TYW1: variants seen among roughly 807,000 people sequenced by gnomAD.
The protein encoded by TYW1 is S-adenosyl-L-methionine-dependent tRNA 4-demethylwyosine synthase TYW1.
A neutral mutation model predicts 96.2 loss-of-function variants in TYW1; 46 were observed. The ratio of observed to expected loss-of-function variants is 0.48; its 90% CI spans 0.38 to 0.61. The LOEUF (loss-of-function observed/expected upper bound fraction) is 0.61, where lower values mean the gene tolerates loss of function less well. Among genes scored for constraint, TYW1 ranks in the 20% least tolerant of loss-of-function variants. The pLI is 0.00. For synonymous variants in TYW1, 274 were observed against 323.0 expected (o/e 0.85, Z 1.63); for missense variants, 684 against 909.6 (o/e 0.75, Z 3.19).
intron 13 of TYW1, among the ~76,000 whole-genome samples, chr7:67,146,033 T>G (rs1409807310): frequency 1.3e-5 from 2 of 152,220 alleles, no homozygotes; most frequent in African/African-American, 2.4e-5. Flanking sequence ...CGCAAAGTAC[T>G]GGGATTATAG....
rs1187479693 is a variant in TYW1 at position 67,239,318 on chromosome 7, C to A, written c.*789C>A. 15 of 985,334 alleles carry A rather than the reference C, an allele frequency of 1.5e-5. No homozygotes were observed. In the Admixed American group the frequency reaches 4.3e-4, roughly 28 times the overall value. The allele number at this position is 985,334 out of a possible 1,614,324, so 61.0% of individuals were successfully genotyped here. On this transcript the variant is annotated 3_prime_UTR_variant, in exon 16 of 16. Coordinates refer to ENST00000359626, the MANE Select transcript of TYW1 (RefSeq NM_018264.4). ...TCGTGAGGTCACTGTCCAGGCCTCT[C>A]ATATCATGACCAGACGGCGGGTCTC...
chr7:67,083,262 G>T (rs1308437682), intron 10 of TYW1, among the ~76,000 whole-genome samples, 168 bp from the exon 11 acceptor site: 2 of 152,094 alleles, frequency 1.3e-5, no homozygotes, highest in Non-Finnish European at 2.9e-5. Context: ...CTCTCTGTTG[G>T]GTGTCATGAT....
intron 13 of TYW1, among the ~76,000 whole-genome samples, chr7:67,148,410 G>A (rs893233085): frequency 2.7e-4 from 39 of 146,258 alleles, no homozygotes; most frequent in Non-Finnish European, 4.5e-4. Flanking sequence ...ACTTAACAAG[G>A]TTTACTTGAA....
intron 6 of TYW1, among the ~76,000 whole-genome samples, chr7:67,020,622 C>G (rs750135049): frequency 6.6e-6 from 1 of 152,282 alleles, no homozygotes; most frequent in South Asian, 2.1e-4. Flanking sequence ...ATAAAAACTT[C>G]GTTGCTTAGT....
chr7:67,201,980 T>C (rs902044526), intron 15 of TYW1, among the ~76,000 whole-genome samples: 3 of 152,182 alleles, frequency 2.0e-5, no homozygotes, highest in Non-Finnish European at 2.9e-5. Flanking sequence ...TGTCACTGCG[T>C]TCCTCTTTAA....
chr7:67,011,514 G>A (rs1473617130), intron 4 of TYW1, among the ~76,000 whole-genome samples: 1 of 152,190 alleles, frequency 6.6e-6, no homozygotes, highest in Non-Finnish European at 1.5e-5. Flanking sequence ...AGAATCTCAG[G>A]TCTTAGCCTA....
intron 4 of TYW1, among the ~76,000 whole-genome samples, chr7:67,010,024 C>G (rs540304663): frequency 6.6e-6 from 1 of 151,186 alleles, no homozygotes; most frequent in African/African-American, 2.4e-5. Context: ...ACTATGTCAC[C>G]CAGGCTGGAG....
intron 15 of TYW1, among the ~76,000 whole-genome samples, chr7:67,197,105 T>C (rs1238936872): frequency 1.3e-5 from 2 of 152,230 alleles, no homozygotes; most frequent in African/African-American, 4.8e-5. Context: ...CTCTTTAGCT[T>C]TTCATCTGGA....
At chr7:67,067,451 G>A in intron 10 of TYW1, 48 bp downstream of exon 10, 2 of 1,605,536 alleles carry the variant, frequency 1.2e-6, no homozygotes, top group Non-Finnish European at 1.7e-6. Context: ...AATGAGCTGT[G>A]GTAATCAATC....
At chr7:67,125,480 C>T (rs66755920) in intron 13 of TYW1, among the ~76,000 whole-genome samples, 41,930 of 151,618 alleles carry the variant, frequency 0.28, 6,655 homozygotes, top group African/African-American at 0.44. Flanking sequence ...CCATATCCCC[C>T]CTATTCCATG....
intron 13 of TYW1, among the ~76,000 whole-genome samples, chr7:67,151,632 C>T (rs1475389181): frequency 6.6e-6 from 1 of 152,100 alleles, no homozygotes; most frequent in African/African-American, 2.4e-5. Context: ...AACTGGTGTT[C>T]AAACAAGAAT....
intron 13 of TYW1, among the ~76,000 whole-genome samples, chr7:67,149,722 A>ATATCTACCTATC (rs1554376827): frequency 2.1e-5 from 3 of 140,120 alleles, no homozygotes; most frequent in Non-Finnish European, 4.7e-5. Context: ...AGGAAAAAAA[A>ATATCTACCTATC]TATCTATCTA....
At chr7:67,069,236 A>G (rs1480345398) in intron 10 of TYW1, among the ~76,000 whole-genome samples, 2 of 152,204 alleles carry the variant, frequency 1.3e-5, no homozygotes, top group Admixed American at 1.3e-4. Context: ...GGGATTGACT[A>G]TTTTGAATTG....
At chr7:67,043,268 A>G (rs1795086023) in intron 7 of TYW1, among the ~76,000 whole-genome samples, 1 of 152,066 alleles carries the variant, frequency 6.6e-6, no homozygotes, top group African/African-American at 2.4e-5. Context: ...GTGTTTAGAG[A>G]ACCATGAGTC....
At chr7:67,076,507 G>A (rs949541061) in intron 10 of TYW1, among the ~76,000 whole-genome samples, 7 of 151,432 alleles carry the variant, frequency 4.6e-5, no homozygotes, top group South Asian at 2.1e-4. Flanking sequence ...ACAGAGTCTC[G>A]CTCTTTTGCC....
chr7:67,037,081 T>C (rs1380140243), intron 7 of TYW1, among the ~76,000 whole-genome samples: 4 of 152,166 alleles, frequency 2.6e-5, no homozygotes, highest in Non-Finnish European at 4.4e-5. Context: ...GCCTCTGTGG[T>C]AAGGCTCAGT....
chr7:67,027,384 A>G (rs1314246775), intron 7 of TYW1, among the ~76,000 whole-genome samples: 1 of 151,958 alleles, frequency 6.6e-6, no homozygotes, highest in Non-Finnish European at 1.5e-5. Context: ...AATAAAAAAA[A>G]TTAAATTTAT....
intron 13 of TYW1, among the ~76,000 whole-genome samples, chr7:67,143,112 G>A (rs143468521): frequency 8.8e-4 from 134 of 151,420 alleles, no homozygotes; most frequent in East Asian, 7.9e-3. Context: ...TAATTTTTGT[G>A]TATAAATGAC....
chr7:67,231,165 T>G (rs894781565), intron 15 of TYW1, among the ~76,000 whole-genome samples: 3 of 152,206 alleles, frequency 2.0e-5, no homozygotes, highest in African/African-American at 7.2e-5. Context: ...TTTGGTTAAT[T>G]TTTATTATTT....
Sources: allele counts gnomAD v4.1 joint callset (sites outside exome capture counted in the v4.1 genomes callset), GRCh38; gene constraint gnomAD v4.1.1; transcripts MANE v1.5; gene names NCBI Gene and HGNC (gene_info 2026-07-23, HGNC 2026-07-21).